EFCAB6: variants seen among roughly 807,000 people sequenced by gnomAD.
EFCAB6 encodes EF-hand calcium-binding domain-containing protein 6.
A neutral mutation model predicts 169.8 loss-of-function variants in EFCAB6; 156 were observed. The observed-to-expected ratio is 0.92, with a 90% CI of 0.81 to 1.05. EFCAB6 has a LOEUF of 1.05. EFCAB6 is among the 50% of genes least tolerant of loss of function. The pLI is 0.00. For synonymous variants in EFCAB6, 698 were observed against 676.4 expected (o/e 1.03, Z -0.50); for missense variants, 1,800 against 1,829.1 (o/e 0.98, Z 0.29).
intron 27 of EFCAB6, among the ~76,000 whole-genome samples, chr22:43,541,320 T>A (rs761733095): frequency 1.3e-5 from 2 of 152,154 alleles, no homozygotes; most frequent in Non-Finnish European, 2.9e-5. Flanking sequence ...GGTACGGAAG[T>A]CGGGGTTGGG....
At chr22:43,543,361 G>A (rs1486958083) in intron 27 of EFCAB6, among the ~76,000 whole-genome samples, 2 of 152,158 alleles carry the variant, frequency 1.3e-5, no homozygotes, top group South Asian at 2.1e-4. Flanking sequence ...CCTTCTCCTC[G>A]CACCTCTGCT....
intron 10 of EFCAB6, among the ~76,000 whole-genome samples, chr22:43,689,708 G>C (rs374158747): frequency 9.9e-5 from 15 of 152,134 alleles, no homozygotes; most frequent in South Asian, 6.2e-4. Context: ...CCGAAACTTA[G>C]TTTACAAAAT....
chr22:43,708,331 G>A (rs1467948529), intron 10 of EFCAB6, among the ~76,000 whole-genome samples: 5 of 152,054 alleles, frequency 3.3e-5, no homozygotes, highest in African/African-American at 1.2e-4. Context: ...GCTTGAACAC[G>A]GGAGGGAGAG....
At chr22:43,594,612 A>T (rs2051855369) in intron 23 of EFCAB6, among the ~76,000 whole-genome samples, 1 of 152,236 alleles carries the variant, frequency 6.6e-6, no homozygotes, top group Non-Finnish European at 1.5e-5. Context: ...TGTTCACCTA[A>T]CACCAGAGCA....
intron 2 of EFCAB6, among the ~76,000 whole-genome samples, chr22:43,783,096 G>A (rs562672554): frequency 6.6e-6 from 1 of 152,078 alleles, no homozygotes; most frequent in Non-Finnish European, 1.5e-5. Context: ...TTGACCTGAT[G>A]TTTCCCTGAA....
intron 28 of EFCAB6, 66 bp downstream of exon 28, chr22:43,540,061 C>A (rs1374307665): frequency 6.4e-7 from 1 of 1,573,574 alleles, no homozygotes; most frequent in Non-Finnish European, 8.7e-7. Context: ...CCCCAAAGTC[C>A]CCCCAGTGGG....
chr22:43,552,171 G>C (rs1045682314), intron 27 of EFCAB6: 1 of 152,076 alleles, frequency 6.6e-6, no homozygotes, highest in Non-Finnish European at 1.5e-5. Context: ...CCACGGTGTA[G>C]ATGTACCACA....
rs558990768 is a variant in EFCAB6 at position 43,730,071 on chromosome 22, G to A, written c.757+1628C>T. On this transcript the variant is annotated intron_variant, in intron 8 of 31. Coordinates refer to ENST00000262726, the MANE Select transcript of EFCAB6 (RefSeq NM_022785.4). ...CCCAGTTACTTGGGAGGCTGAGGTT[G>A]GAGGATTGCTTGTGCCCAAAGTGCT... is the stretch of plus-strand genomic sequence containing the variant. Among the ~76,000 whole-genome samples the A allele has an allele frequency of 1.0e-4, 15 of 149,982 alleles. No homozygotes were observed. In the South Asian group the frequency reaches 3.2e-3, roughly 32 times the overall value.
In EFCAB6 at chr22:43,755,830, C is replaced by T. The variant is rs374069833; in HGVS notation, c.443G>A (p.Gly148Glu). 2 of 1,599,214 alleles carry T rather than the reference C, an allele frequency of 1.3e-6. No individual in the cohort carries two copies. Among genetic ancestry groups the T allele is most frequent in the East Asian group, 2.2e-5 (1 of 44,642 alleles). Residue 148 changes from glycine to glutamate, a missense_variant and splice_region_variant, in exon 6 of 32, where the codon GGA becomes GAA. Physicochemically the swap from Gly to Glu is moderately conservative, Grantham distance 98 (BLOSUM62 -2). Coordinates refer to ENST00000262726, the MANE Select transcript of EFCAB6 (RefSeq NM_022785.4). ...GCAGCAATTCATTTCATTCCCACCT[C>T]CCCTTAGAAATAAAAAAAAAATCTT... ...IDLYINGIKR[G>E]GGNEMNCCRT...
At chr22:43,775,317 G>A (rs1206229304) in intron 3 of EFCAB6, among the ~76,000 whole-genome samples, 2 of 152,148 alleles carry the variant, frequency 1.3e-5, no homozygotes, top group Admixed American at 6.5e-5. Flanking sequence ...CTGCAAAAGT[G>A]GGCATACGCT....
In EFCAB6 at chr22:43,598,311, G is replaced by C. The variant is rs137715; in HGVS notation, c.2876+1758C>G. Among the ~76,000 whole-genome samples the C allele has an allele frequency of 2.5e-4, 28 of 112,872 alleles. 7 individuals are homozygous for C. The highest frequency in any genetic ancestry group is 8.9e-4 in the African/African-American group (25 of 28,046). 74.0% of individuals were successfully genotyped at this position (112,872 alleles called of 152,430 possible). ...GATGAAAGTGAGACACTGTCTCCGG[G>C]AAAAAAAAAAAAAAAAAAAAAAAAA... On this transcript the variant is annotated intron_variant, in intron 23 of 31. Transcript: ENST00000262726.
intron 19 of EFCAB6, among the ~76,000 whole-genome samples, chr22:43,631,158 C>T (rs1388477125): frequency 1.3e-5 from 2 of 151,786 alleles, no homozygotes; most frequent in African/African-American, 2.4e-5. Flanking sequence ...CCCTTCTGGA[C>T]TTCACCCATC....
chr22:43,581,116 G>T (rs1359263227), intron 24 of EFCAB6, among the ~76,000 whole-genome samples: 1 of 152,176 alleles, frequency 6.6e-6, no homozygotes. Flanking sequence ...GAGACTGTGG[G>T]GTGGTGGCAG....
intron 23 of EFCAB6, among the ~76,000 whole-genome samples, chr22:43,590,742 C>CAAAAA (rs553431883): frequency 2.5e-5 from 2 of 80,094 alleles, no homozygotes; most frequent in Non-Finnish European, 5.3e-5. Flanking sequence ...GTTTGAAGGC[C>CAAAAA]AAAAAAAAAA....
At chr22:43,529,507 T>C (rs1313137351) in intron 31 of EFCAB6, among the ~76,000 whole-genome samples, 1 of 152,246 alleles carries the variant, frequency 6.6e-6, no homozygotes, top group Non-Finnish European at 1.5e-5. Flanking sequence ...TGTATCCAGC[T>C]AACCGGGAAC....
intron 26 of EFCAB6, among the ~76,000 whole-genome samples, chr22:43,559,138 G>A (rs1225200844): frequency 6.6e-6 from 1 of 152,052 alleles, no homozygotes; most frequent in East Asian, 1.9e-4. Context: ...CTAATATCCA[G>A]AATCTACAAG....
chr22:43,706,493 A>G (rs1439680271), intron 10 of EFCAB6, among the ~76,000 whole-genome samples: 1 of 152,218 alleles, frequency 6.6e-6, no homozygotes, highest in Non-Finnish European at 1.5e-5. Context: ...GAGGGCAGCA[A>G]TCATGTCCTT....
Position 43,792,447 on chromosome 22 carries a change from G to T in EFCAB6, c.-7-10122C>A, listed in dbSNP as rs143125593. ...TTGGCCAGGAAGGAGCACAAAGAGTGATGGGAATTATCTGTGTAGCTGAAA... is the reference window on the plus strand; with the variant it reads ...TTGGCCAGGAAGGAGCACAAAGAGTTATGGGAATTATCTGTGTAGCTGAAA... On this transcript the variant is annotated intron_variant, in intron 2 of 31. Coordinates refer to ENST00000262726, the MANE Select transcript of EFCAB6 (RefSeq NM_022785.4). Among the ~76,000 whole-genome samples, 641 of 152,308 alleles carry T rather than the reference G, an allele frequency of 4.2e-3. 2 individuals carry two copies. The highest frequency in any genetic ancestry group is 0.027 in the Middle Eastern group (8 of 294).
chr22:43,542,824 T>C (rs1297660983), intron 27 of EFCAB6, among the ~76,000 whole-genome samples: 1 of 152,052 alleles, frequency 6.6e-6, no homozygotes, highest in Non-Finnish European at 1.5e-5. Flanking sequence ...GGAGACTGGA[T>C]TCTGAAAAAC....
Sources: allele counts gnomAD v4.1 joint callset (sites outside exome capture counted in the v4.1 genomes callset), GRCh38; gene constraint gnomAD v4.1.1; transcripts MANE v1.5; gene names NCBI Gene and HGNC (gene_info 2026-07-23, HGNC 2026-07-21).